KLHL2: variants seen among roughly 807,000 people sequenced by gnomAD.
KLHL2 encodes the protein kelch like family member 2, also known as kelch-like protein 2.
A neutral mutation model predicts 75.8 loss-of-function variants in KLHL2; 15 were observed. The observed-to-expected ratio is 0.20, with a 90% CI of 0.13 to 0.30. The LOEUF is 0.30. Among genes scored for constraint, KLHL2 ranks in the 10% least tolerant of loss-of-function variants. The pLI is 1.00. For missense variants in KLHL2, 381 were observed against 741.0 expected, an observed-to-expected ratio of 0.51 and a Z score of 5.64; for synonymous variants, 214 against 251.9, an observed-to-expected ratio of 0.85 and a Z score of 1.42.
In KLHL2 at chr4:165,264,721, C is replaced by CATATATATAT. The variant is rs1187856274; in HGVS notation, c.544+1371_544+1380dup. Reference sequence around the variant, plus strand: ...GTGTGTGTGTATATATATATATATACATATATATATATATATATGTATATA... The same window carrying CATATATATAT: ...GTGTGTGTGTATATATATATATATACATATATATATATATATATATATATATATGTATATA... On this transcript the variant is annotated intron_variant, in intron 5 of 14. Transcript: ENST00000226725. 1.7e-3 allele frequency among the ~76,000 whole-genome samples: 124 copies of CATATATATAT among 71,156 alleles called. 9 individuals carry two copies. The highest frequency in any genetic ancestry group is 8.1e-3 in the Middle Eastern group (1 of 124). The allele number at this position is 71,156 out of a possible 152,430, so 46.7% of individuals were successfully genotyped here.
intron 10 of KLHL2, 108 bp from the exon 11 acceptor site, chr4:165,311,356 C>A (rs1158282871): frequency 4.2e-6 from 3 of 711,764 alleles, no homozygotes; most frequent in African/African-American, 1.8e-5. Flanking sequence ...CCACCATTTT[C>A]TTCTCTTAAT....
rs1001306065 is a variant in KLHL2, at chr4:165,313,184, TTTTG to T, written c.1340-42_1340-39del. The T allele has an allele frequency of 5.9e-5, 92 of 1,572,030 alleles. No individual in the cohort carries two copies. The African/African-American group carries it at 8.8e-4, about 15-fold the overall frequency. ...TTTTCTGGCTTGAAAAATTAGTGTTTTTTGTTTGTTTGTTTTTTAATAAATTTGG... is the reference window on the plus strand; with the variant it reads ...TTTTCTGGCTTGAAAAATTAGTGTTTTTTGTTTGTTTTTTAATAAATTTGG... On this transcript the variant is annotated intron_variant, in intron 11 of 14. Transcript: ENST00000226725.
chr4:165,243,931 T>C lies in KLHL2; in HGVS notation c.381+5032T>C, dbSNP rs1278665905. Among the ~76,000 whole-genome samples, 1,108 of 145,890 alleles carry C rather than the reference T, an allele frequency of 7.6e-3. 16 individuals carry two copies. The highest frequency in any genetic ancestry group is 0.025 in the African/African-American group (1,023 of 40,300). ...GTACCCTAAATATTTTAACCTCAAA[T>C]ATGTAGGTTTACAATTGTATTCCAA... On this transcript the variant is annotated intron_variant, in intron 4 of 14. Transcript: ENST00000226725.
intron 5 of KLHL2, among the ~76,000 whole-genome samples, chr4:165,276,521 T>C (rs1393142683): frequency 6.6e-6 from 1 of 152,188 alleles, no homozygotes; most frequent in Non-Finnish European, 1.5e-5. Flanking sequence ...TTTTTTTTTT[T>C]TCACTGTTTA....
At chr4:165,275,516 C>T (rs1442215037) in intron 5 of KLHL2, among the ~76,000 whole-genome samples, 1 of 152,184 alleles carries the variant, frequency 6.6e-6, no homozygotes, top group African/African-American at 2.4e-5. Context: ...TTTAGTCATT[C>T]CTATACCTCA....
intron 5 of KLHL2, among the ~76,000 whole-genome samples, chr4:165,270,750 G>A (rs1302273840): frequency 6.6e-6 from 1 of 152,136 alleles, no homozygotes; most frequent in Non-Finnish European, 1.5e-5. Flanking sequence ...CTACTGGGAG[G>A]TGTCTCCCAG....
intron 2 of KLHL2, among the ~76,000 whole-genome samples, chr4:165,223,614 A>T (rs1738187775): frequency 6.6e-6 from 1 of 152,204 alleles, no homozygotes; most frequent in Non-Finnish European, 1.5e-5. Flanking sequence ...GAATAGTATG[A>T]TGAATTCGGA....
chr4:165,309,368 TCCGATTAGGA>T (rs1249826662), intron 9 of KLHL2, among the ~76,000 whole-genome samples: 4 of 152,290 alleles, frequency 2.6e-5, no homozygotes, highest in Admixed American at 6.5e-5. Context: ...TAGGAGCCTG[TCCGATTAGGA>T]CAGCAGCATG....
rs1160626654 is a variant in KLHL2 at position 165,264,704 on chromosome 4, GTATATATATATATATACATATATATATA to G, written c.544+1353_544+1380del. ...TGTATGTGTGTGTGTGTGTGTGTGT[GTATATATATATATATACATATATATATA>G]TATATATGTATATATATATATATAT... On this transcript the variant is annotated intron_variant, in intron 5 of 14. Coordinates refer to ENST00000226725, the MANE Select transcript of KLHL2 (RefSeq NM_007246.4). 1.3e-3 allele frequency among the ~76,000 whole-genome samples: 105 copies of G among 82,866 alleles called. 1 individual carries two copies. The highest frequency in any genetic ancestry group is 4.4e-3 in the African/African-American group (96 of 21,680). The allele number at this position is 82,866 out of a possible 152,430, so 54.4% of individuals were successfully genotyped here. A position where few individuals can be genotyped will look rare whatever the true frequency, so the allele number is the denominator to read the frequency against.
In KLHL2 at chr4:165,207,785, GC is replaced by G; in HGVS notation, c.-91del. On this transcript the variant is annotated 5_prime_UTR_variant, in exon 1 of 15. The change abolishes the stop of an existing upstream ORF in the 5' untranslated region. Transcript: ENST00000226725. This position sits in a 1 kb window ranked among gnomAD's most constrained non-coding sequence, Gnocchi z 4.2. Reference sequence around the variant, plus strand: ...CCCCCTCCGGGGCGGATGGAACGCGGCTCGGCGGGCGGGCAGTGCCGGCGTC... The same window carrying G: ...CCCCCTCCGGGGCGGATGGAACGCGGTCGGCGGGCGGGCAGTGCCGGCGTC... 1 of 1,178,082 alleles carries G rather than the reference GC, an allele frequency of 8.5e-7. No homozygotes were observed. The highest frequency in any genetic ancestry group is 1.1e-6 in the Non-Finnish European group (1 of 877,572). 73.0% of individuals were successfully genotyped at this position (1,178,082 alleles called of 1,614,324 possible).
intron 3 of KLHL2, among the ~76,000 whole-genome samples, chr4:165,233,957 C>T (rs1305284101): frequency 6.6e-6 from 1 of 152,214 alleles, no homozygotes; most frequent in Non-Finnish European, 1.5e-5. Context: ...TTCTGTCTCT[C>T]TACCCTTCTA....
At chr4:165,255,889 G>A (rs115136605) in intron 4 of KLHL2, among the ~76,000 whole-genome samples, 1,723 of 152,074 alleles carry the variant, frequency 0.011, 25 homozygotes, top group African/African-American at 0.037. Flanking sequence ...TGGAGCAATC[G>A]GACCCTTTGG....
At chr4:165,283,809 C>T (rs1743875990) in intron 5 of KLHL2, among the ~76,000 whole-genome samples, 1 of 152,244 alleles carries the variant, frequency 6.6e-6, no homozygotes, top group South Asian at 2.1e-4. Context: ...GGACCCCGCC[C>T]CTGCAGCAAA....
At chr4:165,303,535 G>A (rs999787027) in intron 8 of KLHL2, among the ~76,000 whole-genome samples, 5 of 149,196 alleles carry the variant, frequency 3.4e-5, no homozygotes, top group African/African-American at 4.9e-5. Flanking sequence ...TGAGGGTATT[G>A]TATATTTTCT....
chr4:165,279,383 A>T (rs1743459074), intron 5 of KLHL2: 3 of 1,586,482 alleles, frequency 1.9e-6, no homozygotes, highest in Non-Finnish European at 2.6e-6. Context: ...GCTGACACCA[A>T]TAGCTTTTAT....
intron 6 of KLHL2, among the ~76,000 whole-genome samples, chr4:165,295,594 T>G (rs1579145397): frequency 6.6e-6 from 1 of 152,200 alleles, no homozygotes; most frequent in Admixed American, 6.5e-5. Context: ...TAGGAGCATT[T>G]AACTTTTCCA....
chr4:165,239,066 TGA>T (rs1403645435), intron 4 of KLHL2, among the ~76,000 whole-genome samples, 167 bp downstream of exon 4: 3 of 152,212 alleles, frequency 2.0e-5, no homozygotes, highest in Non-Finnish European at 4.4e-5. Context: ...GTAATGTTTC[TGA>T]GTTCAGTATC....
At chr4:165,279,918 G>C (rs1743529457) in intron 5 of KLHL2, among the ~76,000 whole-genome samples, 2 of 152,136 alleles carry the variant, frequency 1.3e-5, no homozygotes, top group Non-Finnish European at 2.9e-5. Context: ...AATCTATACT[G>C]TTGGCTCACG....
In KLHL2 at chr4:165,207,620, G is replaced by T. The variant is rs961771030; in HGVS notation, c.-257G>T. The T allele has an allele frequency of 6.7e-5, 10 of 149,492 alleles. No homozygotes were observed. The highest frequency in any genetic ancestry group is 1.9e-4 in the African/African-American group (8 of 41,094). 9.3% of individuals were successfully genotyped at this position (149,492 alleles called of 1,614,324 possible). Reference sequence around the variant, plus strand: ...AACCCGGAAGTGGCCGAGCCCGCGCGCCCGCCGGTCCCGTCGCCGCCGCCC... The same window carrying T: ...AACCCGGAAGTGGCCGAGCCCGCGCTCCCGCCGGTCCCGTCGCCGCCGCCC... On this transcript the variant is annotated 5_prime_UTR_variant, in exon 1 of 15. Coordinates refer to ENST00000226725, the MANE Select transcript of KLHL2 (RefSeq NM_007246.4). The surrounding 1 kb of genome is among the most constrained non-coding windows in gnomAD (Gnocchi z 4.2).
Sources: gnomAD v4.1 joint callset for allele counts (sites outside exome capture counted in the v4.1 genomes callset) on GRCh38, gnomAD v4.1.1 for gene constraint, Gnocchi (gnomAD v3.1) non-coding constraint, MANE v1.5 for transcripts, NCBI Gene and HGNC (gene_info 2026-07-23, HGNC 2026-07-21) for gene names.